The following SPINK14 variants were observed in gnomAD, a reference collection of about 807,000 sequenced individuals.
The protein encoded by SPINK14 is serine protease inhibitor Kazal-type 14.
SPINK14 carries 6 observed loss-of-function variants against 14.2 expected under a neutral mutation model. The observed-to-expected ratio is 0.42, with a 90% confidence interval of 0.23 to 0.83. SPINK14 has a LOEUF of 0.83. Among genes scored for constraint, SPINK14 ranks in the 40% least tolerant of loss-of-function variants. The pLI, the probability that SPINK14 is intolerant of heterozygous loss-of-function variation, is 0.28. For missense variants in SPINK14, 86 were observed against 108.3 expected (o/e 0.79, Z 0.91); for synonymous variants, 34 against 36.8 (o/e 0.92, Z 0.27).
chr5:148,171,285 T>C (rs1014159659), intron 3 of SPINK14, among the ~76,000 whole-genome samples: 1 of 152,104 alleles, frequency 6.6e-6, no homozygotes, highest in African/African-American at 2.4e-5. Context: ...CATAACATGG[T>C]CCTGGCTCTC....
intron 3 of SPINK14, among the ~76,000 whole-genome samples, chr5:148,173,137 A>G (rs180922083): frequency 6.8e-6 from 1 of 147,696 alleles, no homozygotes; most frequent in Non-Finnish European, 1.5e-5. Flanking sequence ...ATAAAAAAAG[A>G]GGGAAGAGGA....
Position 148,174,347 on chromosome 5 carries a change from C to T in SPINK14, c.225C>T (p.Pro75=), listed in dbSNP as rs1241529221. The change falls in exon 4 of 5, where the codon CCC becomes CCT. Residue 75 remains proline (P), a synonymous_variant. Transcript: ENST00000356972. ...CCAATTTTATAACCTATGATAATCC[C>T]TGCATTCTGTGTGTTGAGAGCTTGT... ...CGTNFITYDN[P]CILCVESLKS... is the part of the protein sequence containing the mutation. 17 of 1,113,882 alleles carry T rather than the reference C, an allele frequency of 1.5e-5. 5 individuals carry two copies. The highest frequency in any genetic ancestry group is 2.0e-5 in the Admixed American group (1 of 48,986). The allele number at this position is 1,113,882 out of a possible 1,614,324, so 69.0% of individuals were successfully genotyped here.
chr5:148,170,144 TAC>T (rs1183655942), intron 2 of SPINK14, among the ~76,000 whole-genome samples: 14 of 146,192 alleles, frequency 9.6e-5, no homozygotes, highest in African/African-American at 3.3e-4. Context: ...TATATATGTA[TAC>T]ACATACTCAG....
chr5:148,173,188 TAGCCAAAAC>T (rs1755129532), intron 3 of SPINK14, among the ~76,000 whole-genome samples: 1 of 151,052 alleles, frequency 6.6e-6, no homozygotes, highest in Non-Finnish European at 1.5e-5. Context: ...TCCAAATTCC[TAGCCAAAAC>T]TTTCTCCTAC....
chr5:148,174,891 G>A (rs1169535139), intron 4 of SPINK14, among the ~76,000 whole-genome samples: 2 of 152,050 alleles, frequency 1.3e-5, no homozygotes, highest in African/African-American at 2.4e-5. Context: ...TCCTATATGA[G>A]TGAGTGCATT....
intron 3 of SPINK14, among the ~76,000 whole-genome samples, chr5:148,172,802 C>T (rs1325574485): frequency 2.0e-5 from 3 of 151,318 alleles, no homozygotes; most frequent in South Asian, 2.1e-4. Context: ...GGTTATGACA[C>T]GTCAGAAGAC....
chr5:148,175,496 C>A lies in SPINK14; in HGVS notation c.*98C>A. 2.2e-6 allele frequency: 2 copies of A among 909,082 alleles called. No individual in the cohort carries two copies. Among genetic ancestry groups the A allele is most frequent in the South Asian group, 3.0e-5 (2 of 66,012 alleles). 56.3% of individuals were successfully genotyped at this position (909,082 alleles called of 1,614,324 possible). ...TTTACATCTCCTTGCATTTGTTCTTCATGACAAAGAGCTATCACTACTGAG... is the reference window on the plus strand; with the variant it reads ...TTTACATCTCCTTGCATTTGTTCTTAATGACAAAGAGCTATCACTACTGAG... On this transcript the variant is annotated 3_prime_UTR_variant, in exon 5 of 5. Coordinates refer to ENST00000356972, the MANE Select transcript of SPINK14 (RefSeq NM_001001325.2).
At chr5:148,174,129 C>T (rs1313169742) in intron 3 of SPINK14, 105 bp from the exon 4 acceptor site, 2 of 637,930 alleles carry the variant, frequency 3.1e-6, no homozygotes, top group East Asian at 3.3e-5. Flanking sequence ...CAGGCATGAG[C>T]CACCACGCCT....
At chr5:148,170,338 T>C (rs1755088708) in intron 2 of SPINK14, among the ~76,000 whole-genome samples, 2 of 151,942 alleles carry the variant, frequency 1.3e-5, no homozygotes, top group African/African-American at 2.4e-5. Flanking sequence ...TGAGGTAACA[T>C]GTAAAAGTGA....
intron 2 of SPINK14, among the ~76,000 whole-genome samples, chr5:148,170,363 T>C (rs142104003): frequency 0.012 from 1,870 of 152,124 alleles, 12 homozygotes; most frequent in Non-Finnish European, 0.02. Flanking sequence ...CAATATAATA[T>C]GCATACATGA....
chr5:148,174,168 G>T, intron 3 of SPINK14, 66 bp from the exon 4 acceptor site: 1 of 935,158 alleles, frequency 1.1e-6, no homozygotes, highest in South Asian at 1.7e-5. Flanking sequence ...TCCTAATAAA[G>T]TTCAAAGGTG....
intron 3 of SPINK14, among the ~76,000 whole-genome samples, chr5:148,171,973 T>G (rs1755111544): frequency 2.0e-5 from 3 of 152,138 alleles, no homozygotes; most frequent in Non-Finnish European, 4.4e-5. Context: ...TAAAAAATAT[T>G]TATTAATCAC....
chr5:148,174,179 AC>A, intron 3 of SPINK14, 54 bp from the exon 4 acceptor site: 1 of 993,166 alleles, frequency 1.0e-6, no homozygotes, highest in African/African-American at 2.4e-5. Context: ...TTCAAAGGTG[AC>A]CTACCTGTCT....
In SPINK14 at chr5:148,169,681, A is replaced by C; in HGVS notation, c.-52A>C. The C allele has an allele frequency of 9.2e-5, 137 of 1,482,402 alleles. No homozygotes were observed. The highest frequency in any genetic ancestry group is 1.2e-4 in the Non-Finnish European group (128 of 1,067,214). 91.8% of individuals were successfully genotyped at this position (1,482,402 alleles called of 1,614,324 possible). ...TTTAGTGATTGTATTAGAGGGCAAC[A>C]ACCTGAGACAATATTTCAGAGCATC... On this transcript the variant is annotated 5_prime_UTR_variant, in exon 2 of 5. Coordinates refer to ENST00000356972, the MANE Select transcript of SPINK14 (RefSeq NM_001001325.2).
intron 2 of SPINK14, among the ~76,000 whole-genome samples, 156 bp downstream of exon 2, chr5:148,169,955 GTGTATATA>G (rs1447663138): frequency 9.0e-6 from 1 of 111,028 alleles, no homozygotes; most frequent in African/African-American, 3.3e-5. Flanking sequence ...GTGTTGCAGA[GTGTATATA>G]TGTATATATA....
chr5:148,172,342 G>C (rs912963864), intron 3 of SPINK14, among the ~76,000 whole-genome samples: 5 of 152,128 alleles, frequency 3.3e-5, no homozygotes, highest in African/African-American at 1.2e-4. Context: ...TACAGTGAGA[G>C]CAGCAGGTGG....
rs2113279142 is a variant in SPINK14, at chr5:148,169,802, G to C, written c.67+3G>C. The C allele has an allele frequency of 1.2e-6, 2 of 1,608,744 alleles. No homozygotes were observed. Among genetic ancestry groups the C allele is most frequent in the East Asian group, 2.2e-5 (1 of 44,608 alleles). ...GATACATTTGGTGTTATCTTCTGGT[G>C]AGTAATTTAGCTGGTCTTGGCCAGC... On this transcript the variant is annotated splice_donor_region_variant and intron_variant, in intron 2 of 4. Coordinates refer to ENST00000356972, the MANE Select transcript of SPINK14 (RefSeq NM_001001325.2).
chr5:148,171,027 T>A, intron 3 of SPINK14, 54 bp downstream of exon 3: 1 of 1,539,350 alleles, frequency 6.5e-7, no homozygotes, highest in Non-Finnish European at 9.0e-7. Context: ...TGAGTTCTTT[T>A]TTTTTGGAAT....
At position 148,175,245 on chromosome 5, in the gene SPINK14, A is replaced by G. The variant is rs374191149; in HGVS notation, c.249-108A>G. On this transcript the variant is annotated intron_variant, in intron 4 of 4. Coordinates refer to ENST00000356972, the MANE Select transcript of SPINK14 (RefSeq NM_001001325.2). ...CAATTCCCTTTACACTCTGGATCTTAGTTTTTCCAAATATAAAACCAGGTT... is the reference window on the plus strand; with the variant it reads ...CAATTCCCTTTACACTCTGGATCTTGGTTTTTCCAAATATAAAACCAGGTT... The G allele has an allele frequency of 5.6e-4, 400 of 719,854 alleles. 7 individuals carry two copies. In the South Asian group the frequency reaches 6.8e-3, roughly 12 times the overall value. 44.6% of individuals were successfully genotyped at this position (719,854 alleles called of 1,614,324 possible). A position where few individuals can be genotyped will look rare whatever the true frequency, so the allele number is the denominator to read the frequency against.
Sources: gnomAD v4.1 joint callset for allele counts (sites outside exome capture counted in the v4.1 genomes callset) on GRCh38, gnomAD v4.1.1 for gene constraint, MANE v1.5 for transcripts, NCBI Gene and HGNC (gene_info 2026-07-23, HGNC 2026-07-21) for gene names.